CEP63: variants seen among roughly 807,000 people sequenced by gnomAD.
CEP63 encodes centrosomal protein of 63 kDa.
In CEP63, 84 loss-of-function variants were observed where a neutral mutation model predicts 89.1. The ratio of observed to expected loss-of-function variants is 0.94; its 90% CI spans 0.79 to 1.13. The LOEUF (loss-of-function observed/expected upper bound fraction) is 1.13, where lower values mean the gene tolerates loss of function less well. CEP63 is among the 50% of genes most tolerant of loss of function. The pLI is 0.00. For synonymous variants in CEP63, 267 were observed against 272.5 expected (o/e 0.98, Z 0.20); for missense variants, 838 against 813.3 (o/e 1.03, Z -0.37).
intron 2 of CEP63, among the ~76,000 whole-genome samples, chr3:134,498,403 T>C (rs748014468): frequency 6.6e-6 from 1 of 152,200 alleles, no homozygotes; most frequent in African/African-American, 2.4e-5. Flanking sequence ...TGTATGTTGA[T>C]TTTGTATTCT....
the CEP63 span, among the ~76,000 whole-genome samples, chr3:134,666,260 G>A: frequency 2.6e-5 from 4 of 152,208 alleles, no homozygotes; most frequent in African/African-American, 9.6e-5. Flanking sequence ...GGTCCTGACA[G>A]TGGTTTTCAG....
the CEP63 span, chr3:134,620,928 C>T: frequency 1.0e-5 from 9 of 894,356 alleles, no homozygotes; most frequent in Non-Finnish European, 1.6e-5. Flanking sequence ...CATCTTGCAC[C>T]TACAGCCAGT....
intron 10 of CEP63, among the ~76,000 whole-genome samples, chr3:134,549,456 A>G (rs1954324371): frequency 6.6e-6 from 1 of 152,210 alleles, no homozygotes; most frequent in African/African-American, 2.4e-5. Flanking sequence ...AAGTTTTCTA[A>G]AAGACATACA....
At chr3:134,573,398 T>C (rs1958095524) in intron 11 of CEP63, among the ~76,000 whole-genome samples, 1 of 152,226 alleles carries the variant, frequency 6.6e-6, no homozygotes. Flanking sequence ...TACATTTAAC[T>C]CTTTACTCCA....
chr3:134,778,414 C>T, the CEP63 span, among the ~76,000 whole-genome samples: 5 of 147,954 alleles, frequency 3.4e-5, no homozygotes, highest in African/African-American at 1.3e-4. Context: ...CTCTTTTTGA[C>T]TGTTTCATGA....
At chr3:134,486,642 T>A in intron 1 of CEP63, 1 of 687,016 alleles carries the variant, frequency 1.5e-6, no homozygotes, top group Non-Finnish European at 1.8e-6. Flanking sequence ...GCGGCCTCCC[T>A]GCCAGGGCTG....
rs1407166665 is a variant in CEP63 at position 134,486,193 on chromosome 3, C to G, written c.-35C>G. 2.0e-6 allele frequency: 2 copies of G among 985,476 alleles called. No individual in the cohort carries two copies. Among genetic ancestry groups the G allele is most frequent in the African/African-American group, 3.5e-5 (2 of 57,246 alleles). The allele number at this position is 985,476 out of a possible 1,614,324, so 61.0% of individuals were successfully genotyped here. On this transcript the variant is annotated 5_prime_UTR_variant, in exon 1 of 15. Coordinates refer to ENST00000675561, the MANE Select transcript of CEP63 (RefSeq NM_001353108.3). ...TTAGCGGTGGCGCGCGTGCGCAGCG[C>G]CGGCCCGAGGTAACGGCGGGAAGGC...
chr3:134,525,009 C>T (rs115395140), intron 3 of CEP63, among the ~76,000 whole-genome samples: 1,823 of 152,134 alleles, frequency 0.012, 31 homozygotes, highest in African/African-American at 0.04. Flanking sequence ...TCCATCTGAC[C>T]CTGGGCTTTT....
At chr3:134,603,499 G>T in the CEP63 span, 1 of 1,302,140 alleles carries the variant, frequency 7.7e-7, no homozygotes, top group Non-Finnish European at 1.1e-6. Context: ...TGGTGTCCAG[G>T]GCTCCCTGCA....
At chr3:134,725,052 T>G in the CEP63 span, among the ~76,000 whole-genome samples, 4 of 149,068 alleles carry the variant, frequency 2.7e-5, no homozygotes, top group Non-Finnish European at 4.5e-5. Context: ...ATCATTTTCA[T>G]ATGGAAACAT....
chr3:134,777,328 A>G, the CEP63 span, among the ~76,000 whole-genome samples: 3 of 152,218 alleles, frequency 2.0e-5, no homozygotes, highest in African/African-American at 7.2e-5. Context: ...AAAGCAGGAT[A>G]AATTGGCCTT....
At chr3:134,710,328 A>T in the CEP63 span, among the ~76,000 whole-genome samples, 1 of 152,152 alleles carries the variant, frequency 6.6e-6, no homozygotes, top group Admixed American at 6.5e-5. Flanking sequence ...CAGTAGTGTC[A>T]TTTGTTAGAA....
the CEP63 span, among the ~76,000 whole-genome samples, chr3:134,662,903 T>C: frequency 6.6e-6 from 1 of 152,200 alleles, no homozygotes; most frequent in Non-Finnish European, 1.5e-5. Flanking sequence ...CTGTATCAGA[T>C]CCAGGGTCCT....
chr3:134,520,866 A>G (rs1947288963), intron 3 of CEP63, among the ~76,000 whole-genome samples: 1 of 152,172 alleles, frequency 6.6e-6, no homozygotes, highest in Non-Finnish European at 1.5e-5. Context: ...TATACCATAT[A>G]CCAAATTCAA....
At chr3:134,561,319 A>G (rs1463949839) in intron 14 of CEP63, 58 bp from the exon 15 acceptor site, 2 of 1,444,322 alleles carry the variant, frequency 1.4e-6, no homozygotes, top group Admixed American at 1.7e-5. Flanking sequence ...TGAACAGTGT[A>G]TCTTAGAAAT....
intron 2 of CEP63, among the ~76,000 whole-genome samples, chr3:134,502,903 T>C (rs969577051): frequency 2.0e-5 from 3 of 152,132 alleles, no homozygotes; most frequent in Non-Finnish European, 4.4e-5. Context: ...ACTTGAGATC[T>C]TAATGTAGGT....
the CEP63 span, among the ~76,000 whole-genome samples, chr3:134,680,143 G>A: frequency 1.3e-5 from 2 of 152,156 alleles, no homozygotes; most frequent in Admixed American, 1.3e-4. Flanking sequence ...AGAGGCTTCT[G>A]GAGAAACCCA....
the CEP63 span, among the ~76,000 whole-genome samples, chr3:134,713,103 G>A: frequency 1.1e-4 from 17 of 152,320 alleles, no homozygotes; most frequent in African/African-American, 3.8e-4. Context: ...ACAAACGTTT[G>A]TTTTTCCCTC....
At chr3:134,496,761 A>C (rs552694138) in intron 2 of CEP63, among the ~76,000 whole-genome samples, 1 of 152,330 alleles carries the variant, frequency 6.6e-6, no homozygotes, top group African/African-American at 2.4e-5. Context: ...GAAATGTGAG[A>C]TGCAATCTCT....
Sources: allele counts gnomAD v4.1 joint callset (sites outside exome capture counted in the v4.1 genomes callset), GRCh38; gene constraint gnomAD v4.1.1; transcripts MANE v1.5; gene names NCBI Gene and HGNC (gene_info 2026-07-23, HGNC 2026-07-21).